Variants in CHRM3 observed in about 807,000 individuals in gnomAD.
CHRM3 encodes muscarinic acetylcholine receptor M3.
CHRM3 carries 11 observed loss-of-function variants against 41.8 expected under a neutral mutation model. The ratio of observed to expected loss-of-function variants is 0.26; its 90% CI spans 0.17 to 0.44. CHRM3 has a LOEUF of 0.44. Among genes scored for constraint, CHRM3 ranks in the 20% least tolerant of loss-of-function variants. CHRM3 has a pLI of 1.00. For missense variants in CHRM3, 571 were observed against 745.4 expected (o/e 0.77, Z 2.72); for synonymous variants, 297 against 301.4 (o/e 0.99, Z 0.15).
At chr1:239,828,909 G>C (rs1672680217) in intron 6 of CHRM3, among the ~76,000 whole-genome samples, 1 of 152,162 alleles carries the variant, frequency 6.6e-6, no homozygotes, top group Admixed American at 6.5e-5. Flanking sequence ...AAATGGTCAT[G>C]GCTTGGACTA....
At chr1:239,560,878 C>T (rs1356347990) in intron 3 of CHRM3, among the ~76,000 whole-genome samples, 3 of 152,064 alleles carry the variant, frequency 2.0e-5, no homozygotes. Context: ...TTTTCCCACA[C>T]CTCCCCCAAA....
rs538399117 is a variant in CHRM3 at position 239,392,111 on chromosome 1, G to A, written c.-521+4884G>A. Among the ~76,000 whole-genome samples, 91 of 152,202 alleles carry A rather than the reference G, an allele frequency of 6.0e-4. 1 individual carries two copies. The highest frequency in any genetic ancestry group is 2.0e-3 in the African/African-American group (84 of 41,532). ...AGCTATGACCTTGGCAGTCAGCCTC[G>A]CCCTTGCCAAGAACTTCTCTCCAGG... On this transcript the variant is annotated intron_variant, in intron 1 of 6. Coordinates refer to ENST00000676153, the MANE Select transcript of CHRM3 (RefSeq NM_001375978.1).
intron 4 of CHRM3, among the ~76,000 whole-genome samples, chr1:239,656,510 A>G (rs1414138182): frequency 1.3e-5 from 2 of 151,908 alleles, no homozygotes; most frequent in African/African-American, 4.8e-5. Flanking sequence ...GTGTGGTGAT[A>G]TGCATCTATA....
intron 5 of CHRM3, among the ~76,000 whole-genome samples, chr1:239,824,198 G>A (rs1672276790): frequency 6.6e-6 from 1 of 152,112 alleles, no homozygotes; most frequent in Non-Finnish European, 1.5e-5. Context: ...TATCTTGAAT[G>A]TAGCATAGAG....
At chr1:239,545,225 T>C (rs923232168) in intron 2 of CHRM3, among the ~76,000 whole-genome samples, 1 of 152,148 alleles carries the variant, frequency 6.6e-6, no homozygotes, top group Non-Finnish European at 1.5e-5. Flanking sequence ...CTTCACATTG[T>C]GTGCAAAACG....
chr1:239,612,563 C>G (rs1371568354), intron 3 of CHRM3, among the ~76,000 whole-genome samples: 1 of 152,184 alleles, frequency 6.6e-6, no homozygotes, highest in Non-Finnish European at 1.5e-5. Context: ...GCTTGCCAAC[C>G]TCACTTTTCA....
intron 3 of CHRM3, chr1:239,546,137 T>C (rs1659273220): frequency 6.6e-6 from 1 of 152,168 alleles, no homozygotes. Flanking sequence ...AGTTTAATTT[T>C]ATTATACAGG....
chr1:239,881,094 T>C (rs995127196), intron 6 of CHRM3, among the ~76,000 whole-genome samples: 16 of 151,578 alleles, frequency 1.1e-4, no homozygotes, highest in Admixed American at 2.0e-4. Flanking sequence ...CCATCCTGGC[T>C]AACACGGTGA....
chr1:239,779,213 G>T (rs576481368), intron 5 of CHRM3, among the ~76,000 whole-genome samples: 2 of 152,226 alleles, frequency 1.3e-5, no homozygotes, highest in African/African-American at 4.8e-5. Context: ...AAAGCACAGA[G>T]AATTCCCATA....
chr1:239,761,882 G>GC (rs1233972944), intron 5 of CHRM3, among the ~76,000 whole-genome samples: 1 of 152,122 alleles, frequency 6.6e-6, no homozygotes, highest in Non-Finnish European at 1.5e-5. Context: ...GCTGACTCTA[G>GC]CCCCCTTAGC....
chr1:239,487,516 A>G (rs1355698510), intron 1 of CHRM3, among the ~76,000 whole-genome samples: 1 of 152,130 alleles, frequency 6.6e-6, no homozygotes. Flanking sequence ...TCAGTCAGAA[A>G]CATGTAAAAA....
intron 2 of CHRM3, among the ~76,000 whole-genome samples, chr1:239,512,798 G>A (rs1268379766): frequency 6.7e-6 from 1 of 150,222 alleles, no homozygotes; most frequent in African/African-American, 2.4e-5. Flanking sequence ...TAGTTTTAAG[G>A]GTTACCCTCT....
chr1:239,718,252 T>C (rs1445454659), intron 5 of CHRM3, among the ~76,000 whole-genome samples: 1 of 152,004 alleles, frequency 6.6e-6, no homozygotes, highest in Non-Finnish European at 1.5e-5. Flanking sequence ...ACAACTGGAA[T>C]TTTAAGTGAG....
chr1:239,690,650 A>C (rs1052420535), intron 5 of CHRM3, among the ~76,000 whole-genome samples: 4 of 152,108 alleles, frequency 2.6e-5, no homozygotes, highest in Admixed American at 1.3e-4. Flanking sequence ...AAAATTACTT[A>C]AAAATAGGAC....
At chr1:239,881,794 G>A (rs902007144) in intron 6 of CHRM3, among the ~76,000 whole-genome samples, 6 of 152,106 alleles carry the variant, frequency 3.9e-5, no homozygotes, top group African/African-American at 1.4e-4. Context: ...TGCAAACAGG[G>A]ACAAACAGGA....
intron 5 of CHRM3, among the ~76,000 whole-genome samples, chr1:239,785,225 G>A (rs1333922174): frequency 6.6e-6 from 1 of 152,168 alleles, no homozygotes; most frequent in Non-Finnish European, 1.5e-5. Context: ...TAAAAGCCAA[G>A]CAGTTCAGGT....
intron 6 of CHRM3, among the ~76,000 whole-genome samples, chr1:239,838,040 A>G (rs1283313862): frequency 1.3e-5 from 2 of 152,230 alleles, no homozygotes; most frequent in Non-Finnish European, 2.9e-5. Context: ...TTCAAAATAT[A>G]AGGCTCAGAG....
chr1:239,627,440 T>G (rs1367571319), intron 3 of CHRM3, among the ~76,000 whole-genome samples: 7 of 120,744 alleles, frequency 5.8e-5, no homozygotes, highest in Non-Finnish European at 1.8e-5. Context: ...CACTGCTGGG[T>G]CTTGACTCTT....
At chr1:239,698,255 AT>A (rs1209766187) in intron 5 of CHRM3, among the ~76,000 whole-genome samples, 1 of 152,200 alleles carries the variant, frequency 6.6e-6, no homozygotes, top group Non-Finnish European at 1.5e-5. Flanking sequence ...ATTATTTCAA[AT>A]CTTGAGAAAT....
Sources: gnomAD v4.1 joint callset for allele counts (sites outside exome capture counted in the v4.1 genomes callset) on GRCh38, gnomAD v4.1.1 for gene constraint, MANE v1.5 for transcripts, NCBI Gene and HGNC (gene_info 2026-07-23, HGNC 2026-07-21) for gene names.